The following ANKRD44 variants were observed in gnomAD, a reference collection of about 807,000 sequenced individuals.
ANKRD44 encodes the protein serine/threonine-protein phosphatase 6 regulatory ankyrin repeat subunit B.
A neutral mutation model predicts 116.0 loss-of-function variants in ANKRD44; 35 were observed. The ratio of observed to expected loss-of-function variants is 0.30; its 90% CI spans 0.23 to 0.40. ANKRD44 has a LOEUF of 0.40. Among genes scored for constraint, ANKRD44 ranks in the 10% least tolerant of loss-of-function variants. The probability of loss-of-function intolerance (pLI) is 1.00; values close to 1 mark genes in which losing one functional copy is unlikely to be tolerated. For synonymous variants in ANKRD44, 435 were observed against 461.8 expected, an observed-to-expected ratio of 0.94 and a Z score of 0.74; for missense variants, 1,014 against 1,242.6, an observed-to-expected ratio of 0.82 and a Z score of 2.77.
At chr2:197,000,663 C>T (rs1228922229) in intron 22 of ANKRD44, among the ~76,000 whole-genome samples, 161 bp from the exon 23 acceptor site, 1 of 152,102 alleles carries the variant, frequency 6.6e-6, no homozygotes, top group African/African-American at 2.4e-5. Context: ...ATTTTGTAAC[C>T]CCTAGCATTA....
At chr2:197,164,230 G>C (rs1407153534) in intron 2 of ANKRD44, among the ~76,000 whole-genome samples, 1 of 152,186 alleles carries the variant, frequency 6.6e-6, no homozygotes, top group Non-Finnish European at 1.5e-5. Context: ...CATTCCTCGG[G>C]TCCCGGGAGG....
At chr2:197,080,239 T>C (rs1294099167) in intron 15 of ANKRD44, among the ~76,000 whole-genome samples, 1 of 152,238 alleles carries the variant, frequency 6.6e-6, no homozygotes, top group Non-Finnish European at 1.5e-5. Flanking sequence ...AGTATTATTA[T>C]AATAAAAGTA....
intron 1 of ANKRD44, among the ~76,000 whole-genome samples, chr2:197,231,165 A>G (rs11899491): frequency 0.16 from 24,037 of 152,110 alleles, 2,427 homozygotes; most frequent in African/African-American, 0.29. Context: ...GCTTATGTCT[A>G]TAATCCTAGC....
rs555179157 is a variant in ANKRD44 at position 197,017,362 on chromosome 2, T to C, written c.1723-3650A>G. Among the ~76,000 whole-genome samples the C allele has an allele frequency of 2.0e-5, 3 of 152,316 alleles. No homozygotes were observed. The East Asian group carries it at 5.8e-4, about 29-fold the overall frequency. ...ACTAGGAAGTAGAGTAATAAATGCA[T>C]GGACTTATTTTACCTTATCTTTTAA... On this transcript the variant is annotated intron_variant, in intron 17 of 27. Transcript: ENST00000282272.
intron 2 of ANKRD44, among the ~76,000 whole-genome samples, chr2:197,180,262 G>A (rs1219256659): frequency 6.6e-6 from 1 of 152,186 alleles, no homozygotes; most frequent in African/African-American, 2.4e-5. Context: ...CCTGCAGGCC[G>A]GATTTGGCCC....
intron 1 of ANKRD44, among the ~76,000 whole-genome samples, chr2:197,289,227 C>T (rs1002532773): frequency 2.0e-5 from 3 of 152,238 alleles, no homozygotes; most frequent in Non-Finnish European, 4.4e-5. Context: ...ACAAACATTA[C>T]TACATAAATA....
At chr2:197,186,481 T>TC (rs1010798667) in intron 2 of ANKRD44, among the ~76,000 whole-genome samples, 1 of 151,670 alleles carries the variant, frequency 6.6e-6, no homozygotes, top group Admixed American at 6.6e-5. Context: ...GATTTTTTTT[T>TC]TGAGGTAGGG....
intron 1 of ANKRD44, among the ~76,000 whole-genome samples, chr2:197,273,220 G>C (rs1026938704): frequency 2.6e-5 from 4 of 152,208 alleles, no homozygotes; most frequent in Non-Finnish European, 5.9e-5. Context: ...ACTGAAGAAA[G>C]ATGAGGAGAA....
At chr2:197,100,967 A>T (rs1385414934) in intron 9 of ANKRD44, among the ~76,000 whole-genome samples, 2 of 152,194 alleles carry the variant, frequency 1.3e-5, no homozygotes, top group African/African-American at 4.8e-5. Flanking sequence ...TAGCTATCAT[A>T]ACATTTTACC....
intron 16 of ANKRD44, among the ~76,000 whole-genome samples, chr2:197,067,866 T>C (rs1415937714): frequency 8.6e-5 from 12 of 139,462 alleles, no homozygotes; most frequent in Non-Finnish European, 1.5e-4. Context: ...ACTGGGTATA[T>C]ACCCAAAGGA....
chr2:197,070,726 G>A (rs2077541426), intron 16 of ANKRD44, among the ~76,000 whole-genome samples: 1 of 150,610 alleles, frequency 6.6e-6, no homozygotes, highest in Non-Finnish European at 1.5e-5. Flanking sequence ...GTGTGTCTTT[G>A]GTACTTAATA....
intron 1 of ANKRD44, among the ~76,000 whole-genome samples, chr2:197,211,482 A>G (rs2697304): frequency 0.99 from 151,519 of 152,320 alleles, 75,364 homozygotes; most frequent in Middle Eastern, 1. Context: ...GTCTTTCCCT[A>G]CATGTCTGCC....
intron 2 of ANKRD44, among the ~76,000 whole-genome samples, chr2:197,157,478 C>G (rs1214085846): frequency 1.3e-5 from 2 of 151,966 alleles, no homozygotes; most frequent in African/African-American, 4.8e-5. Context: ...AGTTCGAGAC[C>G]AGCCTGGCCA....
intron 1 of ANKRD44, chr2:197,251,034 T>C (rs1437073473): frequency 6.6e-6 from 1 of 152,224 alleles, no homozygotes; most frequent in Non-Finnish European, 1.5e-5. Context: ...CTTTATACTT[T>C]TTCTTTTAAA....
intron 1 of ANKRD44, among the ~76,000 whole-genome samples, chr2:197,310,042 C>T (rs73988430): frequency 0.039 from 5,869 of 152,274 alleles, 368 homozygotes; most frequent in African/African-American, 0.13. Context: ...TCCCGCACCA[C>T]GCACACAGCC....
At chr2:197,272,277 C>T (rs1280477841) in intron 1 of ANKRD44, among the ~76,000 whole-genome samples, 1 of 152,048 alleles carries the variant, frequency 6.6e-6, no homozygotes, top group Non-Finnish European at 1.5e-5. Context: ...CTCACTCTGT[C>T]ACCCAGGCTG....
Position 197,201,578 on chromosome 2 carries a change from C to T in ANKRD44, c.28-14472G>A, listed in dbSNP as rs1452613035. Among the ~76,000 whole-genome samples, 1 of 152,170 alleles carries T rather than the reference C, an allele frequency of 6.6e-6. No individual in the cohort carries two copies. The highest frequency in any genetic ancestry group is 1.5e-5 in the Non-Finnish European group (1 of 68,034). Reference sequence around the variant, plus strand: ...GTTGGCTCTGAATGATGTGGAGACCCTGTTAGTGTCGTCGCATGTTAAATC... The same window carrying T: ...GTTGGCTCTGAATGATGTGGAGACCTTGTTAGTGTCGTCGCATGTTAAATC... On this transcript the variant is annotated intron_variant, in intron 1 of 27. Coordinates refer to ENST00000282272, the MANE Select transcript of ANKRD44 (RefSeq NM_001195144.2). This position sits in a 1 kb window ranked among gnomAD's most constrained non-coding sequence, Gnocchi z 4.0.
chr2:197,263,312 A>G (rs1428082557), intron 1 of ANKRD44: 5 of 666,282 alleles, frequency 7.5e-6, no homozygotes, highest in African/African-American at 3.9e-5. Flanking sequence ...TTCAAGGGAC[A>G]TCGACACAAC....
intron 16 of ANKRD44, among the ~76,000 whole-genome samples, chr2:197,075,043 T>C (rs1035300029): frequency 2.0e-5 from 3 of 152,010 alleles, no homozygotes; most frequent in Admixed American, 1.3e-4. Flanking sequence ...TTCCTATCAT[T>C]GAACAGGGGA....
Sources: allele counts gnomAD v4.1 joint callset (sites outside exome capture counted in the v4.1 genomes callset), GRCh38; gene constraint gnomAD v4.1.1; non-coding constraint Gnocchi (gnomAD v3.1); transcripts MANE v1.5; gene names NCBI Gene and HGNC (gene_info 2026-07-23, HGNC 2026-07-21).